The following MED13 variants were observed in gnomAD, a reference collection of about 807,000 sequenced individuals.
MED13 encodes mediator of RNA polymerase II transcription subunit 13.
In MED13, 23 loss-of-function variants were observed where a neutral mutation model predicts 225.2. That is an observed-to-expected ratio of 0.10 (90% CI 0.07 to 0.14). The LOEUF (loss-of-function observed/expected upper bound fraction) is 0.14. Among genes scored for constraint, MED13 ranks in the 10% least tolerant of loss-of-function variants. The pLI is 1.00. For synonymous variants in MED13, 942 were observed against 889.2 expected (o/e 1.06, Z -1.06); for missense variants, 2,197 against 2,594.5 (o/e 0.85, Z 3.33).
chr17:62,040,081 C>A (rs1222706342), intron 3 of MED13, among the ~76,000 whole-genome samples: 2 of 152,030 alleles, frequency 1.3e-5, no homozygotes, highest in African/African-American at 4.8e-5. Context: ...TCTCCGAAAT[C>A]CTTATATTAA....
rs572889776 is a variant in MED13, at chr17:62,005,704, G to A, written c.1967+4846C>T. ...CACAGGACTTATCTGCTAAAATGACGATAAAAGCATTTTAATTTACTATTA... is the reference window on the plus strand; with the variant it reads ...CACAGGACTTATCTGCTAAAATGACAATAAAAGCATTTTAATTTACTATTA... On this transcript the variant is annotated intron_variant, in intron 9 of 29. Coordinates refer to ENST00000397786, the MANE Select transcript of MED13 (RefSeq NM_005121.3). 4.6e-5 allele frequency: 7 copies of A among 152,326 alleles called. No homozygotes were observed. In the East Asian group the frequency reaches 5.8e-4, roughly 13 times the overall value. 9.4% of individuals were successfully genotyped at this position (152,326 alleles called of 1,614,324 possible). A position where few individuals can be genotyped will look rare whatever the true frequency, so the allele number is the denominator to read the frequency against.
Position 62,035,620 on chromosome 17 carries a change from G to A in MED13, c.471-12C>T. On this transcript the variant is annotated splice_polypyrimidine_tract_variant and intron_variant, in intron 3 of 29. Transcript: ENST00000397786. ...AGGACAAGTGTTCACTAAAAAAGAAGAAAAAGTTTTATCTTAGTGATGACT... is the reference window on the plus strand; with the variant it reads ...AGGACAAGTGTTCACTAAAAAAGAAAAAAAAGTTTTATCTTAGTGATGACT... 1 of 1,596,860 alleles carries A rather than the reference G, an allele frequency of 6.3e-7. No individual in the cohort carries two copies. Among genetic ancestry groups the A allele is most frequent in the Non-Finnish European group, 8.5e-7 (1 of 1,174,766 alleles).
chr17:62,022,876 G>A (rs1352492441), intron 8 of MED13, among the ~76,000 whole-genome samples: 5 of 152,176 alleles, frequency 3.3e-5, no homozygotes, highest in Non-Finnish European at 7.4e-5. Flanking sequence ...CGAGCATTGA[G>A]GCACACACCT....
At chr17:61,963,896 A>T (rs914905985) in intron 20 of MED13, among the ~76,000 whole-genome samples, 1 of 152,240 alleles carries the variant, frequency 6.6e-6, no homozygotes, top group African/African-American at 2.4e-5. Context: ...TGTCATAATC[A>T]TTCTTGTCAC....
intron 8 of MED13, among the ~76,000 whole-genome samples, chr17:62,015,833 A>T (rs78421199): frequency 0.017 from 2,225 of 127,186 alleles, 83 homozygotes; most frequent in African/African-American, 0.061. Context: ...CACTATATAT[A>T]TACACACACA....
rs760862699 is a variant in MED13, at chr17:61,961,608, T to C, written c.5236A>G (p.Thr1746Ala). The C allele has an allele frequency of 6.2e-7, 1 of 1,613,818 alleles. No individual in the cohort carries two copies. The highest frequency in any genetic ancestry group is 8.5e-7 in the Non-Finnish European group (1 of 1,179,958). ...TGFGPGLAME[T>A]ALRSPDRPEC... ...CTTACATCAGGACTTCTAAGGGCAG[T>C]TTCCATGGCTAAACCTGGACCAAAG... The change falls in exon 22 of 30, where the codon ACT (threonine) becomes GCT (alanine). Residue 1746 changes from threonine (T) to alanine (A), a missense_variant. By Grantham distance (58) the Thr-to-Ala change is moderately conservative. This residue lies in a region of MED13 where 457 missense variants were observed against 442.2 expected (regional missense o/e 1.03). Coordinates refer to ENST00000397786, the MANE Select transcript of MED13 (RefSeq NM_005121.3).
intron 5 of MED13, among the ~76,000 whole-genome samples, chr17:62,032,913 G>A (rs1302155242): frequency 1.3e-5 from 2 of 152,166 alleles, no homozygotes; most frequent in African/African-American, 2.4e-5. Flanking sequence ...ACTCTGGGAG[G>A]CCAAGGTAGG....
rs768129468 is a variant in MED13 at position 61,947,034 on chromosome 17, TAATC to T, written c.6292-21_6292-18del. 8.8e-5 allele frequency: 139 copies of T among 1,573,222 alleles called. No homozygotes were observed. Among genetic ancestry groups the T allele is most frequent in the South Asian group, 2.4e-4 (22 of 89,986 alleles). On this transcript the variant is annotated intron_variant, in intron 28 of 29. Coordinates refer to ENST00000397786, the MANE Select transcript of MED13 (RefSeq NM_005121.3). ...CAAAGAGGCCTAAGAAGGTAACAGG[TAATC>T]AATCAGTCAGCCAAACAGAAAATAA...
chr17:62,049,697 C>CG (rs2080937646), intron 3 of MED13, among the ~76,000 whole-genome samples: 1 of 151,988 alleles, frequency 6.6e-6, no homozygotes, highest in South Asian at 2.1e-4. Context: ...TTGGGGAGGC[C>CG]GAGGTGGGCG....
At chr17:61,964,935 C>CA in intron 20 of MED13, 71 bp downstream of exon 20, 1 of 1,422,900 alleles carries the variant, frequency 7.0e-7, no homozygotes. Flanking sequence ...GACTGTGTCT[C>CA]AAGAAAAAAA....
intron 23 of MED13, among the ~76,000 whole-genome samples, chr17:61,959,271 T>C (rs1322453249): frequency 1.3e-5 from 2 of 152,086 alleles, no homozygotes; most frequent in African/African-American, 4.8e-5. Context: ...TGCCTTGGCC[T>C]CCAAAGTGCT....
At chr17:62,000,223 T>G (rs561183926) in intron 9 of MED13, among the ~76,000 whole-genome samples, 1 of 152,202 alleles carries the variant, frequency 6.6e-6, no homozygotes, top group Non-Finnish European at 1.5e-5. Context: ...AAACAAAGCT[T>G]TGAATTTCTC....
intron 8 of MED13, among the ~76,000 whole-genome samples, chr17:62,023,211 T>C (rs938798672): frequency 2.6e-5 from 4 of 152,190 alleles, no homozygotes; most frequent in Non-Finnish European, 5.9e-5. Flanking sequence ...GTTACAGTTA[T>C]GAATTTTTTT....
At chr17:62,001,740 C>G (rs2080396979) in intron 9 of MED13, among the ~76,000 whole-genome samples, 1 of 152,124 alleles carries the variant, frequency 6.6e-6, no homozygotes, top group African/African-American at 2.4e-5. Flanking sequence ...ATTTATACCT[C>G]TATCAGATAA....
intron 1 of MED13, among the ~76,000 whole-genome samples, chr17:62,063,688 T>C (rs2081059507): frequency 6.6e-6 from 1 of 152,240 alleles, no homozygotes; most frequent in African/African-American, 2.4e-5. Flanking sequence ...GACCCTATCA[T>C]GGGTTTTTAT....
Position 61,945,625 on chromosome 17 carries a change from T to C in MED13, c.*843A>G, listed in dbSNP as rs979171685. ...TTAAACCACCTAACAATACCACTTG[T>C]ATATTGCCATCATGTTATTCTGTAA... On this transcript the variant is annotated 3_prime_UTR_variant, in exon 30 of 30. Coordinates refer to ENST00000397786, the MANE Select transcript of MED13 (RefSeq NM_005121.3). 6.6e-6 allele frequency: 1 copy of C among 152,652 alleles called. No individual in the cohort carries two copies. The highest frequency in any genetic ancestry group is 1.5e-5 in the Non-Finnish European group (1 of 68,052). 9.5% of individuals were successfully genotyped at this position (152,652 alleles called of 1,614,324 possible).
intron 3 of MED13, among the ~76,000 whole-genome samples, chr17:62,042,326 G>GTT (rs1440646858): frequency 1.3e-5 from 2 of 152,098 alleles, no homozygotes; most frequent in Non-Finnish European, 2.9e-5. Flanking sequence ...CACTTTGGGA[G>GTT]GCCAAGGCGG....
At chr17:62,064,473 C>T (rs542046075) in intron 1 of MED13, among the ~76,000 whole-genome samples, 1 of 152,294 alleles carries the variant, frequency 6.6e-6, no homozygotes, top group South Asian at 2.1e-4. Flanking sequence ...AGCACCTCGT[C>T]CACTAGCCCC....
chr17:61,983,349 C>G (rs2080221158), intron 15 of MED13, among the ~76,000 whole-genome samples: 1 of 152,106 alleles, frequency 6.6e-6, no homozygotes, highest in African/African-American at 2.4e-5. Context: ...TTAATAAGCA[C>G]TCTATACACT....
Sources: allele counts gnomAD v4.1 joint callset (sites outside exome capture counted in the v4.1 genomes callset), GRCh38; gene constraint gnomAD v4.1.1; regional missense constraint gnomAD v4.1.1; transcripts MANE v1.5; gene names NCBI Gene and HGNC (gene_info 2026-07-23, HGNC 2026-07-21).